The following LVRN variants were observed in gnomAD, a reference collection of about 807,000 sequenced individuals.
The protein encoded by LVRN is aminopeptidase Q.
In LVRN, 99 loss-of-function variants were observed where a neutral mutation model predicts 111.4. The ratio of observed to expected loss-of-function variants is 0.89; its 90% CI spans 0.76 to 1.05. The LOEUF (loss-of-function observed/expected upper bound fraction) is 1.05. LVRN is among the 50% of genes least tolerant of loss of function. The pLI is 0.00. For missense variants in LVRN, 1,414 were observed against 1,206.8 expected (o/e 1.17, Z -2.54); for synonymous variants, 488 against 449.5 (o/e 1.09, Z -1.08).
rs760423421 is a variant in LVRN, at chr5:115,963,106, C to T, written c.489C>T (p.Ser163=). 2 of 1,613,510 alleles carry T rather than the reference C, an allele frequency of 1.2e-6. No homozygotes were observed. Among genetic ancestry groups the T allele is most frequent in the South Asian group, 2.2e-5 (2 of 91,078 alleles). Residue 163 remains serine (S), a synonymous_variant, in exon 1 of 20, where the codon TCC becomes TCT. Coordinates refer to ENST00000357872, the MANE Select transcript of LVRN (RefSeq NM_173800.5). ...CERAEVRGPL[S]PGTGNATVGR... ...GCGCCGAGGTGCGGGGACCCCTTTC[C>T]CCGGGCACTGGGAACGCCACAGTGG...
chr5:116,000,403 T>C, intron 7 of LVRN, 30 bp from the exon 8 acceptor site: 1 of 1,609,978 alleles, frequency 6.2e-7, no homozygotes, highest in Non-Finnish European at 8.5e-7. Flanking sequence ...TGAATTTTGT[T>C]CAAATAATGG....
intron 11 of LVRN, among the ~76,000 whole-genome samples, 159 bp downstream of exon 11, chr5:116,003,070 C>G (rs367623483): frequency 6.6e-6 from 1 of 152,010 alleles, no homozygotes; most frequent in Non-Finnish European, 1.5e-5. Flanking sequence ...AAATCAAAAG[C>G]CATTATATGT....
intron 1 of LVRN, among the ~76,000 whole-genome samples, chr5:115,978,588 A>C (rs1331774626): frequency 1.3e-5 from 2 of 152,154 alleles, no homozygotes; most frequent in Non-Finnish European, 2.9e-5. Context: ...TAGAAAATCC[A>C]GTCCTGTGTA....
intron 1 of LVRN, among the ~76,000 whole-genome samples, chr5:115,971,290 A>G (rs1038136423): frequency 4.0e-5 from 6 of 150,806 alleles, no homozygotes; most frequent in African/African-American, 1.5e-4. Context: ...TTGTCTTTGT[A>G]TTCTTTTAAT....
chr5:116,017,942 A>G (rs1748636002), intron 18 of LVRN, among the ~76,000 whole-genome samples: 1 of 152,160 alleles, frequency 6.6e-6, no homozygotes, highest in Non-Finnish European at 1.5e-5. Context: ...TTAGAATGAA[A>G]CACACATTAA....
chr5:115,988,016 AC>A (rs1580384247), intron 4 of LVRN, 77 bp downstream of exon 4: 1 of 1,526,700 alleles, frequency 6.6e-7, no homozygotes, highest in East Asian at 2.3e-5. Context: ...AGATACACAG[AC>A]AAACCCATAA....
At position 116,015,273 on chromosome 5, in the gene LVRN, T is replaced by G. The variant is rs1481852348; in HGVS notation, c.2472T>G (p.Asp824Glu). The change falls in exon 17 of 20, where the codon GAT (aspartate) becomes GAG (glutamate). Residue 824 changes from aspartate to glutamate, a missense_variant. Coordinates refer to ENST00000357872, the MANE Select transcript of LVRN (RefSeq NM_173800.5). ...ACAGAATACCTTATCCAATTAAAGATGTGGTTTTATGTTATGGCATTGCCT... is the reference window on the plus strand; with the variant it reads ...ACAGAATACCTTATCCAATTAAAGAGGTGGTTTTATGTTATGGCATTGCCT... Reference protein sequence around the residue: ...PENEIPYPIKDVVLCYGIALG... With the variant: ...PENEIPYPIKEVVLCYGIALG... The G allele has an allele frequency of 6.2e-7, 1 of 1,601,926 alleles. No homozygotes were observed. Among genetic ancestry groups the G allele is most frequent in the Admixed American group, 1.7e-5 (1 of 58,078 alleles).
chr5:116,002,495 G>A (rs747243146), intron 10 of LVRN, among the ~76,000 whole-genome samples: 9 of 152,212 alleles, frequency 5.9e-5, no homozygotes, highest in Non-Finnish European at 1.3e-4. Flanking sequence ...ATTTAGGTCT[G>A]TTTGCAGCAT....
chr5:115,979,251 G>T (rs183096928), intron 1 of LVRN, among the ~76,000 whole-genome samples: 1 of 152,260 alleles, frequency 6.6e-6, no homozygotes, highest in East Asian at 1.9e-4. Flanking sequence ...TCCCCACCTG[G>T]TAGGAGTTAG....
intron 3 of LVRN, among the ~76,000 whole-genome samples, chr5:115,985,620 G>A (rs986579640): frequency 9.9e-5 from 15 of 152,174 alleles, no homozygotes; most frequent in Non-Finnish European, 1.5e-5. Flanking sequence ...TTAAAATAAA[G>A]TCACTCTTGT....
intron 1 of LVRN, among the ~76,000 whole-genome samples, chr5:115,980,071 G>C (rs1230806504): frequency 2.0e-5 from 3 of 152,048 alleles, no homozygotes. Context: ...AAGTTGCTCT[G>C]CAATACTGAC....
At chr5:115,990,317 A>G (rs1174600675) in intron 4 of LVRN, among the ~76,000 whole-genome samples, 4 of 152,212 alleles carry the variant, frequency 2.6e-5, no homozygotes, top group African/African-American at 9.6e-5. Context: ...ACTCCTATGT[A>G]TTTTAAAGAT....
chr5:115,992,930 A>T (rs1434665127), intron 5 of LVRN, among the ~76,000 whole-genome samples: 1 of 152,212 alleles, frequency 6.6e-6, no homozygotes, highest in Non-Finnish European at 1.5e-5. Context: ...TTATCTTCGT[A>T]ATGTGGCTCC....
At chr5:116,018,779 A>T (rs1748654600) in intron 18 of LVRN, among the ~76,000 whole-genome samples, 1 of 152,200 alleles carries the variant, frequency 6.6e-6, no homozygotes, top group Non-Finnish European at 1.5e-5. Flanking sequence ...TTATGACGTG[A>T]TTTATTTATC....
Position 116,001,363 on chromosome 5 carries a change from G to A in LVRN, c.1820+124G>A, listed in dbSNP as rs575828473. The stretch of plus-strand genomic sequence containing the variant: ...GCATACACACTTCTGCAATGTGACT[G>A]TGTACTAGGGTGAAGCAGAGCCCTT... On this transcript the variant is annotated intron_variant, in intron 10 of 19. Coordinates refer to ENST00000357872, the MANE Select transcript of LVRN (RefSeq NM_173800.5). 259 of 1,112,904 alleles carry A rather than the reference G, an allele frequency of 2.3e-4. 3 individuals carry two copies. The South Asian group carries it at 3.6e-3, about 15-fold the overall frequency. 68.9% of individuals were successfully genotyped at this position (1,112,904 alleles called of 1,614,324 possible).
In LVRN at chr5:116,022,401, C is replaced by T. The variant is rs1393457624; in HGVS notation, c.2767C>T (p.Gln923Ter). 3.2e-6 allele frequency: 5 copies of T among 1,581,994 alleles called. No homozygotes were observed. The highest frequency in any genetic ancestry group is 4.3e-6 in the Non-Finnish European group (5 of 1,158,042). Residue 923 changes from glutamine (Q) to a stop codon, truncating the protein, a stop_gained, in exon 19 of 20, where the codon CAA (glutamine) becomes TAA (stop). Coordinates refer to ENST00000357872, the MANE Select transcript of LVRN (RefSeq NM_173800.5). LOFTEE classifies it high-confidence loss of function. ...CTTATTGCCTTGTAGGTATGGAACA[C>T]AATCATTGATTAATCTAATATATAC... ...WQAVSKRYGT[Q>*]SLINLIYTIG... is the part of the protein sequence containing the mutation.
At chr5:115,981,299 A>G (rs1753554457) in intron 1 of LVRN, among the ~76,000 whole-genome samples, 1 of 152,162 alleles carries the variant, frequency 6.6e-6, no homozygotes, top group African/African-American at 2.4e-5. Context: ...ATGAACCCAG[A>G]TTTTTGCCAA....
intron 1 of LVRN, among the ~76,000 whole-genome samples, chr5:115,972,293 GT>G (rs1294742536): frequency 6.6e-6 from 1 of 151,820 alleles, no homozygotes; most frequent in Non-Finnish European, 1.5e-5. Flanking sequence ...GGTTTTATAT[GT>G]TTCACTGTAT....
intron 1 of LVRN, among the ~76,000 whole-genome samples, chr5:115,972,180 C>G (rs967349842): frequency 6.6e-6 from 1 of 151,986 alleles, no homozygotes; most frequent in Non-Finnish European, 1.5e-5. Flanking sequence ...GATAAATGAG[C>G]TTCATTAAAA....
Sources: allele counts gnomAD v4.1 joint callset (sites outside exome capture counted in the v4.1 genomes callset), GRCh38; gene constraint gnomAD v4.1.1; transcripts MANE v1.5; gene names NCBI Gene and HGNC (gene_info 2026-07-23, HGNC 2026-07-21).